WDR70: variants seen among roughly 807,000 people sequenced by gnomAD.
The protein encoded by WDR70 is WD repeat-containing protein 70.
Under a neutral mutation model 88.6 loss-of-function variants are expected in WDR70, and 53 were observed. The ratio of observed to expected loss-of-function variants is 0.60; its 90% CI spans 0.48 to 0.75. The LOEUF (loss-of-function observed/expected upper bound fraction) is 0.75, where lower values mean the gene tolerates loss of function less well. Among genes scored for constraint, WDR70 ranks in the 30% least tolerant of loss-of-function variants. The probability of loss-of-function intolerance (pLI) is 0.00; values close to 1 mark genes in which losing one functional copy is unlikely to be tolerated. For missense variants in WDR70, 610 were observed against 823.2 expected, an observed-to-expected ratio of 0.74 and a Z score of 3.17; for synonymous variants, 280 against 270.0, an observed-to-expected ratio of 1.04 and a Z score of -0.36.
chr5:37,585,304 T>G (rs1200067596), intron 9 of WDR70, among the ~76,000 whole-genome samples: 1 of 152,156 alleles, frequency 6.6e-6, no homozygotes, highest in Non-Finnish European at 1.5e-5. Flanking sequence ...TGTCCATTTT[T>G]TAAGGCCAAA....
chr5:37,634,573 G>T (rs1744907673), intron 10 of WDR70, among the ~76,000 whole-genome samples: 1 of 152,172 alleles, frequency 6.6e-6, no homozygotes, highest in Non-Finnish European at 1.5e-5. Flanking sequence ...CTATAAGGAA[G>T]ACAGATTGGA....
chr5:37,441,400 G>C (rs1462286787), intron 6 of WDR70, among the ~76,000 whole-genome samples: 2 of 152,044 alleles, frequency 1.3e-5, no homozygotes, highest in East Asian at 3.8e-4. Flanking sequence ...TATGAAATCG[G>C]TATTTGCAAG....
intron 5 of WDR70, among the ~76,000 whole-genome samples, chr5:37,427,466 GTACA>G (rs1414124896): frequency 6.6e-6 from 1 of 151,682 alleles, no homozygotes; most frequent in African/African-American, 2.4e-5. Flanking sequence ...ACGTGTATAT[GTACA>G]TACATGTACA....
intron 8 of WDR70, among the ~76,000 whole-genome samples, chr5:37,488,285 T>G (rs558930866): frequency 6.6e-6 from 1 of 151,922 alleles, no homozygotes; most frequent in Admixed American, 6.6e-5. Flanking sequence ...TAAAAAGACC[T>G]TTTTGGGTTG....
intron 8 of WDR70, among the ~76,000 whole-genome samples, chr5:37,483,160 G>T: frequency 6.8e-6 from 1 of 146,796 alleles, no homozygotes; most frequent in African/African-American, 2.6e-5. Context: ...AGGGGGATTT[G>T]GCAGGGTCAC....
chr5:37,435,996 G>T (rs1015111966), intron 5 of WDR70, among the ~76,000 whole-genome samples: 1 of 151,960 alleles, frequency 6.6e-6, no homozygotes, highest in African/African-American at 2.4e-5. Flanking sequence ...GGGGAGATAG[G>T]TAAAAAATTA....
rs776154781 is a variant in WDR70 at position 37,396,559 on chromosome 5, G to A, written c.481G>A (p.Glu161Lys). 1.2e-6 allele frequency: 2 copies of A among 1,610,122 alleles called. No homozygotes were observed. The highest frequency in any genetic ancestry group is 4.5e-5 in the East Asian group (2 of 44,808). Residue 161 changes from glutamate (E) to lysine (K), a missense_variant, in exon 5 of 18, where the codon GAG becomes AAG. By Grantham distance (56) the Glu-to-Lys change is moderately conservative (BLOSUM62 1). Coordinates refer to ENST00000265107, the MANE Select transcript of WDR70 (RefSeq NM_018034.4). The part of the protein sequence containing the change: ...EEAEEEEEEE[E>K]EEENPVHKIP... ...AGCAGAGGAAGAAGAAGAGGAAGAGGAGGAAGAGGAAGTAAGTATTTCAGT... is the reference window on the plus strand; with the variant it reads ...AGCAGAGGAAGAAGAAGAGGAAGAGAAGGAAGAGGAAGTAAGTATTTCAGT...
At chr5:37,429,865 T>C (rs1750249956) in intron 5 of WDR70, among the ~76,000 whole-genome samples, 1 of 152,220 alleles carries the variant, frequency 6.6e-6, no homozygotes, top group African/African-American at 2.4e-5. Flanking sequence ...AGAATTAGCT[T>C]GTAAATTTGT....
intron 8 of WDR70, among the ~76,000 whole-genome samples, chr5:37,511,687 A>C (rs1201466386): frequency 3.9e-5 from 6 of 152,206 alleles, no homozygotes; most frequent in Non-Finnish European, 1.5e-5. Flanking sequence ...AAAAATCATG[A>C]GTTCACATTG....
intron 8 of WDR70, among the ~76,000 whole-genome samples, chr5:37,496,379 C>G (rs562568899): frequency 2.0e-5 from 3 of 152,286 alleles, no homozygotes; most frequent in Non-Finnish European, 4.4e-5. Context: ...AGGTCTGTGG[C>G]TTCACTCCTG....
chr5:37,479,853 C>T lies in WDR70; in HGVS notation c.706C>T (p.Gln236Ter). 1 of 1,613,818 alleles carries T rather than the reference C, an allele frequency of 6.2e-7. No individual in the cohort carries two copies. Among genetic ancestry groups the T allele is most frequent in the Non-Finnish European group, 8.5e-7 (1 of 1,179,926 alleles). Residue 236 changes from glutamine to a stop codon, truncating the protein, a stop_gained, in exon 8 of 18, where the codon CAG becomes TAG. Transcript: ENST00000265107. LOFTEE classifies it high-confidence loss of function. The part of the protein sequence containing the change: ...PCECHQIKSL[Q>*]YSNTGDMILV... Reference sequence around the variant, plus strand: ...GTACAGCCATCAGATCAAGTCATTACAGTATAGTAACACAGGAGACATGAT... The same window carrying T: ...GTACAGCCATCAGATCAAGTCATTATAGTATAGTAACACAGGAGACATGAT...
chr5:37,424,188 A>T lies in WDR70; in HGVS notation c.493-13734A>T, dbSNP rs923170562. Among the ~76,000 whole-genome samples the T allele has an allele frequency of 1.1e-4, 16 of 150,014 alleles. 1 individual carries two copies. The highest frequency in any genetic ancestry group is 2.4e-4 in the Non-Finnish European group (16 of 67,624). Reference sequence around the variant, plus strand: ...AAAAAAAAAACAAAGACAAAAAAAAATTATCTATTTATAAATATATTGCTG... The same window carrying T: ...AAAAAAAAAACAAAGACAAAAAAAATTTATCTATTTATAAATATATTGCTG... On this transcript the variant is annotated intron_variant, in intron 5 of 17. Transcript: ENST00000265107.
At chr5:37,616,190 T>C (rs927990037) in intron 10 of WDR70, among the ~76,000 whole-genome samples, 15 of 152,050 alleles carry the variant, frequency 9.9e-5, no homozygotes, top group African/African-American at 3.1e-4. Context: ...AATCTTGGCT[T>C]ACTGCAGCCT....
chr5:37,506,058 C>A, intron 8 of WDR70: 1 of 1,329,110 alleles, frequency 7.5e-7, no homozygotes. Flanking sequence ...AAGCACTGAT[C>A]CAGAGAGATC....
chr5:37,743,487 G>A (rs1187261551), intron 17 of WDR70, among the ~76,000 whole-genome samples: 2 of 152,230 alleles, frequency 1.3e-5, no homozygotes, highest in Non-Finnish European at 2.9e-5. Flanking sequence ...GCAGCAGCTA[G>A]CACTGGGACT....
At chr5:37,743,993 G>A (rs1412487525) in intron 17 of WDR70, among the ~76,000 whole-genome samples, 1 of 152,124 alleles carries the variant, frequency 6.6e-6, no homozygotes, top group East Asian at 1.9e-4. Flanking sequence ...ATTGTCAGAC[G>A]CCCTATACAA....
chr5:37,660,742 A>G (rs551566746), intron 10 of WDR70, among the ~76,000 whole-genome samples: 1 of 152,256 alleles, frequency 6.6e-6, no homozygotes, highest in Admixed American at 6.5e-5. Flanking sequence ...TCATATAACA[A>G]CTTTTGCTTT....
At position 37,638,845 on chromosome 5, in the gene WDR70, T is replaced by C. The variant is rs1745037386; in HGVS notation, c.1092+33607T>C. Among the ~76,000 whole-genome samples the C allele has an allele frequency of 2.0e-5, 3 of 152,214 alleles. No individual in the cohort carries two copies. The South Asian group carries it at 6.2e-4, about 32-fold the overall frequency. ...AAAAGTAATAACTGACACCTCAGAC[T>C]TCAGAAGGAGAAAGGTTTATTGTTT... On this transcript the variant is annotated intron_variant, in intron 10 of 17. Coordinates refer to ENST00000265107, the MANE Select transcript of WDR70 (RefSeq NM_018034.4).
intron 6 of WDR70, among the ~76,000 whole-genome samples, chr5:37,438,856 A>T (rs772007373): frequency 1.3e-5 from 2 of 152,132 alleles, no homozygotes; most frequent in African/African-American, 2.4e-5. Context: ...TTCTAGTGGA[A>T]ATAGTGATAC....
Sources: gnomAD v4.1 joint callset for allele counts (sites outside exome capture counted in the v4.1 genomes callset) on GRCh38, gnomAD v4.1.1 for gene constraint, MANE v1.5 for transcripts, NCBI Gene and HGNC (gene_info 2026-07-23, HGNC 2026-07-21) for gene names.